Variants in DIP2C observed in about 807,000 individuals in gnomAD.
The protein encoded by DIP2C is DIP2 acetate--CoA ligase C (putative).
DIP2C carries 33 observed loss-of-function variants against 192.4 expected under a neutral mutation model. The ratio of observed to expected loss-of-function variants is 0.17; its 90% confidence interval spans 0.13 to 0.23. The LOEUF is 0.23. Among genes scored for constraint, DIP2C ranks in the 10% least tolerant of loss-of-function variants. DIP2C has a pLI of 1.00. For missense variants in DIP2C, 1,537 were observed against 2,110.1 expected (o/e 0.73, Z 5.32); for synonymous variants, 979 against 864.1 (o/e 1.13, Z -2.33).
In DIP2C at chr10:345,132, G is replaced by A. The variant is rs201439212; in HGVS notation, c.3232-22C>T. On this transcript the variant is annotated intron_variant, in intron 26 of 36. Transcript: ENST00000280886. Reference sequence around the variant, plus strand: ...TCACCTGGCATCAGAGAGCGAGAATGGAGCCATGAACGTGGACCCAGATGA... The same window carrying A: ...TCACCTGGCATCAGAGAGCGAGAATAGAGCCATGAACGTGGACCCAGATGA... The A allele has an allele frequency of 5.1e-5, 81 of 1,601,826 alleles. No individual in the cohort carries two copies. In the African/African-American group the frequency reaches 9.9e-4, roughly 20 times the overall value.
intron 1 of DIP2C, among the ~76,000 whole-genome samples, chr10:644,638 C>T (rs1432814806): frequency 2.0e-5 from 3 of 152,228 alleles, no homozygotes; most frequent in Non-Finnish European, 4.4e-5. Flanking sequence ...CACACAGAGG[C>T]AGACAGAATG....
chr10:568,479 C>CA (rs1468990757), intron 1 of DIP2C, among the ~76,000 whole-genome samples: 4 of 152,056 alleles, frequency 2.6e-5, no homozygotes, highest in Non-Finnish European at 4.4e-5. Context: ...GAAAAAACTT[C>CA]ACTTGAGGCC....
chr10:612,541 CTT>C (rs1853167959), intron 1 of DIP2C, among the ~76,000 whole-genome samples: 1 of 152,124 alleles, frequency 6.6e-6, no homozygotes, highest in African/African-American at 2.4e-5. Flanking sequence ...TTTCTTTGCA[CTT>C]TGATTTCAAA....
chr10:325,942 G>T (rs531569138), intron 31 of DIP2C, among the ~76,000 whole-genome samples: 1 of 152,254 alleles, frequency 6.6e-6, no homozygotes, highest in African/African-American at 2.4e-5. Flanking sequence ...AGCACTTTGG[G>T]AGGCCAGGGC....
chr10:604,372 C>T (rs946392981), intron 1 of DIP2C, among the ~76,000 whole-genome samples: 4 of 152,174 alleles, frequency 2.6e-5, no homozygotes, highest in Non-Finnish European at 5.9e-5. Context: ...ATGAGGAAGG[C>T]AGTTGCTCCC....
At chr10:579,196 T>C (rs1181289903) in intron 1 of DIP2C, among the ~76,000 whole-genome samples, 1 of 152,102 alleles carries the variant, frequency 6.6e-6, no homozygotes, top group Non-Finnish European at 1.5e-5. Flanking sequence ...AACATGTACA[T>C]GCATAGAGCA....
chr10:455,337 A>G (rs10904251), intron 3 of DIP2C, among the ~76,000 whole-genome samples: 22,691 of 96,544 alleles, frequency 0.24, 4,927 homozygotes, highest in Non-Finnish European at 0.32. Flanking sequence ...ACCGTGAGGA[A>G]TAAATGAGAT....
At chr10:663,167 T>C in intron 1 of DIP2C, 2 of 455,000 alleles carry the variant, frequency 4.4e-6, no homozygotes, top group Non-Finnish European at 7.8e-6. Context: ...TGCAATTCTA[T>C]GTCCAGTGTA....
intron 1 of DIP2C, among the ~76,000 whole-genome samples, chr10:551,697 G>A (rs142766183): frequency 7.9e-5 from 12 of 152,366 alleles, no homozygotes; most frequent in African/African-American, 2.9e-4. Context: ...GGCTTGGGAA[G>A]GGTCCAAGAG....
chr10:301,173 CAGG>C lies in DIP2C; in HGVS notation c.3986+8855_3986+8857del, dbSNP rs534677295. On this transcript the variant is annotated intron_variant, in intron 32 of 36. Transcript: ENST00000280886. ...TGGGGCTTTGTCTCTCATGAGCCAG[CAGG>C]AGATGAACCCAGACCCTCTGAGGTG... 7.6e-4 allele frequency among the ~76,000 whole-genome samples: 116 copies of C among 152,224 alleles called. 1 individual carries two copies. The South Asian group carries it at 0.012, about 16-fold the overall frequency.
intron 1 of DIP2C, among the ~76,000 whole-genome samples, chr10:541,199 T>C (rs193145654): frequency 1.1e-4 from 17 of 152,136 alleles, no homozygotes; most frequent in Admixed American, 2.6e-4. Context: ...CCACGCAACA[T>C]TCATGGACCC....
At chr10:620,506 T>C (rs896552557) in intron 1 of DIP2C, among the ~76,000 whole-genome samples, 6 of 152,188 alleles carry the variant, frequency 3.9e-5, no homozygotes, top group Admixed American at 3.9e-4. Context: ...TATGGCACCG[T>C]CGTACTAAAG....
At chr10:461,670 G>A (rs192705311) in intron 3 of DIP2C, among the ~76,000 whole-genome samples, 4 of 152,238 alleles carry the variant, frequency 2.6e-5, no homozygotes, top group African/African-American at 9.6e-5. Context: ...ACTCAGCTCT[G>A]GGCCAAGCGG....
intron 1 of DIP2C, among the ~76,000 whole-genome samples, chr10:495,168 T>C (rs1564787299): frequency 6.6e-6 from 1 of 152,164 alleles, no homozygotes; most frequent in African/African-American, 2.4e-5. Context: ...TGTGGCATCT[T>C]AAAAAAGTAG....
intron 1 of DIP2C, among the ~76,000 whole-genome samples, chr10:656,762 G>A (rs568754114): frequency 7.9e-5 from 12 of 152,242 alleles, no homozygotes; most frequent in Admixed American, 2.6e-4. Flanking sequence ...GACGGCTGTC[G>A]GTGAATGGAA....
chr10:560,583 G>C (rs1849157095), intron 1 of DIP2C, among the ~76,000 whole-genome samples: 1 of 152,118 alleles, frequency 6.6e-6, no homozygotes, highest in South Asian at 2.1e-4. Flanking sequence ...CTTTCTGTTT[G>C]CTGATAACTT....
Position 348,668 on chromosome 10 carries a change from C to A in DIP2C, c.3204G>T (p.Thr1068=). ...CCACAATCATCTTGACGGTAGGCAA[C>A]GTCGTCGCGATGTTCTGTGGGTGCG... ...RPPHPQNIAT[T]LPTVKMIVEV... is the part of the protein sequence containing the mutation. The change falls in exon 26 of 37, where the codon ACG becomes ACT. Residue 1068 remains threonine, a synonymous_variant. Coordinates refer to ENST00000280886, the MANE Select transcript of DIP2C (RefSeq NM_014974.3). 1 of 1,613,596 alleles carries A rather than the reference C, an allele frequency of 6.2e-7. No individual in the cohort carries two copies. Among genetic ancestry groups the A allele is most frequent in the Non-Finnish European group, 8.5e-7 (1 of 1,179,882 alleles).
chr10:493,211 AC>A (rs1368806684), intron 1 of DIP2C, among the ~76,000 whole-genome samples: 56 of 152,326 alleles, frequency 3.7e-4, no homozygotes, highest in African/African-American at 1.3e-3. Context: ...CGCTGTCATA[AC>A]TTGCTAAAAA....
chr10:562,015 AAAAT>A, intron 1 of DIP2C, among the ~76,000 whole-genome samples: 1 of 152,340 alleles, frequency 6.6e-6, no homozygotes, highest in African/African-American at 2.4e-5. Flanking sequence ...TAGTGATTCT[AAAAT>A]AATCAGCAAG....
Sources: gnomAD v4.1 joint callset for allele counts (sites outside exome capture counted in the v4.1 genomes callset) on GRCh38, gnomAD v4.1.1 for gene constraint, MANE v1.5 for transcripts, NCBI Gene and HGNC (gene_info 2026-07-23, HGNC 2026-07-21) for gene names.